The following STX16 variants were observed in gnomAD, a reference collection of about 807,000 sequenced individuals.
STX16 encodes the protein syntaxin-16.
Under a neutral mutation model 42.7 loss-of-function variants are expected in STX16, and 28 were observed. The observed-to-expected ratio is 0.66, with a 90% CI of 0.49 to 0.90. STX16 has a LOEUF of 0.90. Among genes scored for constraint, STX16 ranks in the 40% least tolerant of loss-of-function variants. STX16 has a pLI of 0.00. For missense variants in STX16, 361 were observed against 420.9 expected (o/e 0.86, Z 1.24); for synonymous variants, 156 against 155.2 (o/e 1.00, Z -0.04).
chr20:58,660,567 TA>T (rs1290672307), intron 2 of STX16, among the ~76,000 whole-genome samples: 2 of 152,132 alleles, frequency 1.3e-5, no homozygotes. Context: ...GGGAACTGGT[TA>T]AATATATTGT....
chr20:58,659,457 AAAG>A lies in STX16; in HGVS notation c.133-165_133-163del, dbSNP rs200413373. 0.057 allele frequency among the ~76,000 whole-genome samples: 8,613 copies of A among 152,232 alleles called. 336 individuals carry two copies. The highest frequency in any genetic ancestry group is 0.078 in the Non-Finnish European group (5,317 of 67,998). ...TGATGTAGCTTAATTTAAAAAAAAA[AAAG>A]GAGATTTTAAAATGCCTTGCTTAGT... On this transcript the variant is annotated intron_variant, in intron 1 of 8. Coordinates refer to ENST00000371141, the MANE Select transcript of STX16 (RefSeq NM_001001433.3).
rs5842238 is a variant in STX16 at position 58,666,423 on chromosome 20, G to GT, written c.145-1045dup. Among the ~76,000 whole-genome samples the GT allele has an allele frequency of 5.8e-3, 461 of 79,278 alleles. 3 individuals carry two copies. The highest frequency in any genetic ancestry group is 7.3e-3 in the Non-Finnish European group (299 of 40,778). 52.0% of individuals were successfully genotyped at this position (79,278 alleles called of 152,430 possible). A position where few individuals can be genotyped will look rare whatever the true frequency, so the allele number is the denominator to read the frequency against. ...CCCTCTGTTTTTTGTGTGTGTGTGT[G>GT]TTTTTTTTTTTTTTTTTTTTTTGAG... On this transcript the variant is annotated intron_variant, in intron 2 of 8. Coordinates refer to ENST00000371141, the MANE Select transcript of STX16 (RefSeq NM_001001433.3).
chr20:58,654,078 C>T (rs927022004), intron 1 of STX16, among the ~76,000 whole-genome samples: 13 of 152,084 alleles, frequency 8.5e-5, no homozygotes, highest in Admixed American at 7.2e-4. Context: ...ATACATTTAG[C>T]TAACTCACAG....
chr20:58,670,589 ACT>A lies in STX16; in HGVS notation c.637_638del (p.Tyr214ProfsTer35). On this transcript the variant is annotated frameshift_variant, in exon 6 of 9. Coordinates refer to ENST00000371141, the MANE Select transcript of STX16 (RefSeq NM_001001433.3). LOFTEE classifies it high-confidence loss of function. ...VPLMDDGDDN[T>X]LYHRGFTEDQ... ...ACTAATGGATGATGGAGACGATAAC[ACT>A]CTTTACCATCGGGTACGTGAACGGG... is the stretch of plus-strand genomic sequence containing the variant. The A allele has an allele frequency of 6.2e-7, 1 of 1,613,912 alleles. No individual in the cohort carries two copies. Among genetic ancestry groups the A allele is most frequent in the Non-Finnish European group, 8.5e-7 (1 of 1,179,902 alleles).
chr20:58,665,775 G>C (rs1202648561), intron 2 of STX16, among the ~76,000 whole-genome samples: 2 of 152,148 alleles, frequency 1.3e-5, no homozygotes, highest in South Asian at 4.1e-4. Context: ...GAGCACCGTT[G>C]GGCTTAATCA....
intron 1 of STX16, among the ~76,000 whole-genome samples, chr20:58,654,969 TAAAG>T (rs902930973): frequency 3.9e-5 from 6 of 152,180 alleles, no homozygotes; most frequent in East Asian, 1.9e-4. Context: ...AATAGAAACT[TAAAG>T]TAAGTATATT....
chr20:58,669,160 C>G, intron 4 of STX16, 131 bp from the exon 5 acceptor site: 1 of 911,998 alleles, frequency 1.1e-6, no homozygotes, highest in Non-Finnish European at 1.6e-6. Context: ...TTCCTTTTAT[C>G]TGTTCACCTT....
chr20:58,675,129 T>C (rs566797892), intron 8 of STX16, among the ~76,000 whole-genome samples: 1 of 152,036 alleles, frequency 6.6e-6, no homozygotes, highest in East Asian at 1.9e-4. Flanking sequence ...CTAAGGGTGA[T>C]TGAGCGTCGG....
intron 5 of STX16, 72 bp downstream of exon 5, chr20:58,669,525 A>AT: frequency 6.6e-7 from 1 of 1,508,906 alleles, no homozygotes; most frequent in African/African-American, 1.4e-5. Context: ...TTTTGCCACT[A>AT]TTTTTTCATT....
chr20:58,662,453 A>G (rs1240083349), intron 2 of STX16, among the ~76,000 whole-genome samples: 1 of 152,188 alleles, frequency 6.6e-6, no homozygotes, highest in Non-Finnish European at 1.5e-5. Flanking sequence ...GTGAAACTTA[A>G]CAACAGTATC....
At chr20:58,667,088 C>A in intron 2 of STX16, 1 of 268,066 alleles carries the variant, frequency 3.7e-6, no homozygotes, top group Non-Finnish European at 7.4e-6. Context: ...TTTTTTTTCA[C>A]TTGCAACTGA....
In STX16 at chr20:58,651,921, C is replaced by A; in HGVS notation, c.-86C>A. Reference sequence around the variant, plus strand: ...GAGAAGCTTCCGTGAAAGGGTGGGCCAGCCGGGCCACGAGAAAGAAAGTGA... The same window carrying A: ...GAGAAGCTTCCGTGAAAGGGTGGGCAAGCCGGGCCACGAGAAAGAAAGTGA... On this transcript the variant is annotated 5_prime_UTR_variant, in exon 1 of 9. Coordinates refer to ENST00000371141, the MANE Select transcript of STX16 (RefSeq NM_001001433.3). 6.9e-7 allele frequency: 1 copy of A among 1,457,902 alleles called. No homozygotes were observed. Among genetic ancestry groups the A allele is most frequent in the Non-Finnish European group, 9.5e-7 (1 of 1,054,938 alleles). 90.3% of individuals were successfully genotyped at this position (1,457,902 alleles called of 1,614,324 possible).
chr20:58,653,912 G>A (rs1300141486), intron 1 of STX16, among the ~76,000 whole-genome samples: 2 of 151,710 alleles, frequency 1.3e-5, no homozygotes, highest in Non-Finnish European at 2.9e-5. Flanking sequence ...TCTGAGACGG[G>A]AAGCTTTTTA....
chr20:58,652,584 C>G (rs958288989), intron 1 of STX16, among the ~76,000 whole-genome samples: 2 of 152,008 alleles, frequency 1.3e-5, no homozygotes, highest in African/African-American at 4.8e-5. Context: ...GCAAAATGAA[C>G]GACTCCCTCC....
intron 1 of STX16, among the ~76,000 whole-genome samples, chr20:58,655,748 C>A (rs2083572013): frequency 6.6e-6 from 1 of 152,164 alleles, no homozygotes; most frequent in Non-Finnish European, 1.5e-5. Flanking sequence ...ACCCAGAATT[C>A]TTTCCAGGCC....
At chr20:58,658,837 C>T (rs1190690817) in intron 1 of STX16, among the ~76,000 whole-genome samples, 1 of 152,206 alleles carries the variant, frequency 6.6e-6, no homozygotes, top group African/African-American at 2.4e-5. Context: ...TCCCTTCCCC[C>T]TCCCCTTAAA....
rs75294349 is a variant in STX16, at chr20:58,657,029, C to T, written c.133-2594C>T. Among the ~76,000 whole-genome samples, 2,106 of 152,306 alleles carry T rather than the reference C, an allele frequency of 0.014. 48 individuals carry two copies. The highest frequency in any genetic ancestry group is 0.048 in the African/African-American group (1,985 of 41,566). ...TCTGGCAAATCTGGCTTCAGAGCCC[C>T]GTGCTCACCTCCTGGGCCACTCTGG... On this transcript the variant is annotated intron_variant, in intron 1 of 8. Coordinates refer to ENST00000371141, the MANE Select transcript of STX16 (RefSeq NM_001001433.3). The surrounding 1 kb of genome is among the most constrained non-coding windows in gnomAD (Gnocchi z 4.2).
chr20:58,675,595 G>A (rs1470890899), intron 8 of STX16, among the ~76,000 whole-genome samples: 4 of 152,216 alleles, frequency 2.6e-5, no homozygotes, highest in Non-Finnish European at 5.9e-5. Flanking sequence ...TATCGTTAGC[G>A]GCACTGGGAG....
chr20:58,666,990 C>CA (rs1363505710), intron 2 of STX16, among the ~76,000 whole-genome samples: 2 of 152,178 alleles, frequency 1.3e-5, no homozygotes, highest in Non-Finnish European at 2.9e-5. Context: ...ATAACTGGAT[C>CA]AGCCCTATTT....
Sources: allele counts gnomAD v4.1 joint callset (sites outside exome capture counted in the v4.1 genomes callset), GRCh38; gene constraint gnomAD v4.1.1; non-coding constraint Gnocchi (gnomAD v3.1); transcripts MANE v1.5; gene names NCBI Gene and HGNC (gene_info 2026-07-23, HGNC 2026-07-21).